FABP7: variants seen among roughly 807,000 people sequenced by gnomAD.
FABP7 encodes the protein fatty acid-binding protein, brain.
FABP7 carries 13 observed loss-of-function variants against 14.2 expected under a neutral mutation model. The ratio of observed to expected loss-of-function variants is 0.91; its 90% CI spans 0.59 to 1.45. FABP7 has a LOEUF of 1.45. Among genes scored for constraint, FABP7 ranks in the 40% most tolerant of loss-of-function variants. The probability of loss-of-function intolerance (pLI) is 0.00; values close to 1 mark genes in which losing one functional copy is unlikely to be tolerated. For missense variants in FABP7, 149 were observed against 157.6 expected (o/e 0.95, Z 0.29); for synonymous variants, 49 against 51.4 (o/e 0.95, Z 0.20).
chr6:122,767,722 G>A, the FABP7 span, among the ~76,000 whole-genome samples: 2 of 148,214 alleles, frequency 1.3e-5, no homozygotes, highest in African/African-American at 5.0e-5. Flanking sequence ...ACCTGCCTGG[G>A]CAACATAGCA....
chr6:122,782,933 C>A, intron 3 of FABP7: 1 of 985,328 alleles, frequency 1.0e-6, no homozygotes, highest in Non-Finnish European at 1.2e-6. Context: ...CTTTTACCTC[C>A]ATTTTTTCCC....
chr6:122,781,896 C>A, intron 3 of FABP7: 2 of 387,350 alleles, frequency 5.2e-6, no homozygotes, highest in Non-Finnish European at 7.0e-6. Context: ...TGCAAGCCAC[C>A]AACGCCGGGC....
At chr6:122,767,898 T>C in the FABP7 span, among the ~76,000 whole-genome samples, 2 of 152,032 alleles carry the variant, frequency 1.3e-5, no homozygotes, top group African/African-American at 4.8e-5. Context: ...TTAATAAATT[T>C]GGCAATATTA....
At chr6:122,767,702 G>A in the FABP7 span, among the ~76,000 whole-genome samples, 8 of 149,318 alleles carry the variant, frequency 5.4e-5, no homozygotes, top group South Asian at 1.5e-3. Context: ...CTTGAGCCCA[G>A]GAGTTTGGGA....
chr6:122,757,181 A>C, the FABP7 span, among the ~76,000 whole-genome samples: 2 of 152,164 alleles, frequency 1.3e-5, no homozygotes, highest in African/African-American at 4.8e-5. Flanking sequence ...TGAGTGTATA[A>C]TAGACATCTC....
chr6:122,763,226 G>A, the FABP7 span, among the ~76,000 whole-genome samples: 2 of 152,010 alleles, frequency 1.3e-5, no homozygotes, highest in African/African-American at 2.4e-5. Context: ...GCCCTCAGAA[G>A]TAATTCCACA....
upstream of FABP7, among the ~76,000 whole-genome samples, chr6:122,776,115 A>G (rs981119782): frequency 4.6e-5 from 7 of 152,144 alleles, no homozygotes; most frequent in Admixed American, 2.0e-4. Flanking sequence ...AACAGTATGG[A>G]GATTCCTCAA....
chr6:122,782,136 C>T lies in FABP7; in HGVS notation c.348+942C>T, dbSNP rs540925090. On this transcript the variant is annotated intron_variant, in intron 3 of 3. Transcript: ENST00000368444. ...GCCTTTTAAACATATATATTCAATA[C>T]TAGGTAGACATGAAAAATATTTTTT... The T allele has an allele frequency of 1.6e-4, 159 of 983,652 alleles. No homozygotes were observed. In the South Asian group the frequency reaches 6.2e-3, roughly 38 times the overall value. The allele number at this position is 983,652 out of a possible 1,614,324, so 60.9% of individuals were successfully genotyped here.
the FABP7 span, among the ~76,000 whole-genome samples, chr6:122,769,644 T>A: frequency 6.6e-6 from 1 of 152,156 alleles, no homozygotes; most frequent in Non-Finnish European, 1.5e-5. Context: ...ATATTAAATA[T>A]TTCCAAAAGG....
At chr6:122,770,742 A>G in the FABP7 span, among the ~76,000 whole-genome samples, 3 of 152,108 alleles carry the variant, frequency 2.0e-5, no homozygotes, top group East Asian at 3.8e-4. Flanking sequence ...AGATACTACT[A>G]CTATAGAATA....
the FABP7 span, among the ~76,000 whole-genome samples, chr6:122,770,894 G>A: frequency 1.3e-5 from 2 of 152,172 alleles, no homozygotes; most frequent in African/African-American, 2.4e-5. Flanking sequence ...GCAGCAGAGG[G>A]TAAAACAGTA....
At chr6:122,755,811 G>T in the FABP7 span, among the ~76,000 whole-genome samples, 1 of 151,954 alleles carries the variant, frequency 6.6e-6, no homozygotes. Flanking sequence ...GAGGTGCTGG[G>T]TCTGACCAGC....
chr6:122,754,523 C>A, the FABP7 span, among the ~76,000 whole-genome samples: 8 of 152,144 alleles, frequency 5.3e-5, no homozygotes, highest in East Asian at 1.5e-3. Context: ...CCTTCAAGAT[C>A]TCAACTTTTG....
chr6:122,756,071 C>T, the FABP7 span, among the ~76,000 whole-genome samples: 6 of 152,174 alleles, frequency 3.9e-5, no homozygotes, highest in Non-Finnish European at 8.8e-5. Flanking sequence ...CAGTTCTGCG[C>T]TCCCCCCTTT....
At chr6:122,754,447 TCA>T in the FABP7 span, among the ~76,000 whole-genome samples, 1 of 152,218 alleles carries the variant, frequency 6.6e-6, no homozygotes, top group Non-Finnish European at 1.5e-5. Context: ...GCTGCAGCTC[TCA>T]GACGCTTCCA....
the FABP7 span, among the ~76,000 whole-genome samples, chr6:122,756,078 C>A: frequency 6.6e-6 from 1 of 152,166 alleles, no homozygotes; most frequent in African/African-American, 2.4e-5. Context: ...GCGCTCCCCC[C>A]TTTCCCCTCC....
At chr6:122,778,423 G>C (rs1022039660), upstream of FABP7, among the ~76,000 whole-genome samples, 4 of 152,132 alleles carry the variant, frequency 2.6e-5, no homozygotes. Context: ...TCATGTAGCC[G>C]CCACCTAGCG....
the FABP7 span, among the ~76,000 whole-genome samples, chr6:122,761,787 A>G: frequency 6.6e-6 from 1 of 152,182 alleles, no homozygotes; most frequent in Admixed American, 6.6e-5. Flanking sequence ...AAATGAGAAG[A>G]CTTCATAAAA....
chr6:122,760,153 A>G, the FABP7 span, among the ~76,000 whole-genome samples: 3 of 152,180 alleles, frequency 2.0e-5, no homozygotes, highest in Non-Finnish European at 4.4e-5. Context: ...TTTAAAGTGT[A>G]CAGTTTAATA....
Sources: allele counts gnomAD v4.1 joint callset (sites outside exome capture counted in the v4.1 genomes callset), GRCh38; gene constraint gnomAD v4.1.1; transcripts MANE v1.5; gene names NCBI Gene and HGNC (gene_info 2026-07-23, HGNC 2026-07-21).